The following PLEKHG5 variants were observed in gnomAD, a reference collection of about 807,000 sequenced individuals.
PLEKHG5 encodes pleckstrin homology and RhoGEF domain containing G5, also known as pleckstrin homology domain-containing family G member 5.
In PLEKHG5, 52 loss-of-function variants were observed where a neutral mutation model predicts 103.8. The ratio of observed to expected loss-of-function variants is 0.50; its 90% CI spans 0.40 to 0.63. The LOEUF is 0.63. Ranked by LOEUF, PLEKHG5 falls within the 30% of genes least tolerant of loss-of-function variation. The pLI is 0.00. For synonymous variants in PLEKHG5, 592 were observed against 575.5 expected (o/e 1.03, Z -0.41); for missense variants, 1,205 against 1,347.6 (o/e 0.89, Z 1.66).
chr1:6,470,870 G>A lies in PLEKHG5; in HGVS notation c.1407C>T (p.His469=). ...FRAYITWAEK[H]PQCQRLKLSD... ...TCAGCTTCAGCCTCTGGCACTGTGG[G>A]TGCTTCTCCGCCCACTGCGGTGGGG... The change falls in exon 14 of 21, where the codon CAC becomes CAT. Residue 469 remains histidine (H), a synonymous_variant. Coordinates refer to ENST00000377728, the MANE Select transcript of PLEKHG5 (RefSeq NM_020631.6). The A allele has an allele frequency of 6.4e-7, 1 of 1,568,528 alleles. No homozygotes were observed. Among genetic ancestry groups the A allele is most frequent in the Non-Finnish European group, 8.6e-7 (1 of 1,157,148 alleles).
At chr1:6,504,248 T>A (rs1028876286) in intron 1 of PLEKHG5, among the ~76,000 whole-genome samples, 1 of 151,890 alleles carries the variant, frequency 6.6e-6, no homozygotes, top group Non-Finnish European at 1.5e-5. Context: ...GGAGGGGAGA[T>A]TTGCCCCCCC....
rs771066341 is a variant in PLEKHG5, at chr1:6,467,972, T to C, written c.2864A>G (p.Lys955Arg). 4.3e-5 allele frequency: 67 copies of C among 1,561,378 alleles called. No homozygotes were observed. The Admixed American group carries it at 1.1e-3, about 26-fold the overall frequency. Residue 955 changes from lysine (K) to arginine (R), a missense_variant, in exon 20 of 21, where the codon AAG (lysine) becomes AGG (arginine). Coordinates refer to ENST00000377728, the MANE Select transcript of PLEKHG5 (RefSeq NM_020631.6). Reference sequence around the variant, plus strand: ...CCCCGAGGGCAGGTCTCCACACCTCTTCCTGTGGGAGCCTGCAGGTTCCCC... The same window carrying C: ...CCCCGAGGGCAGGTCTCCACACCTCCTCCTGTGGGAGCCTGCAGGTTCCCC... ...LAGEPAGSHR[K>R]RCGDLPSGAS...
upstream of PLEKHG5, among the ~76,000 whole-genome samples, chr1:6,492,505 A>G (rs1157542515): frequency 6.6e-6 from 1 of 152,090 alleles, no homozygotes; most frequent in Non-Finnish European, 1.5e-5. Flanking sequence ...GTGTGCAAGA[A>G]GCTGGGATGG....
At chr1:6,520,079 G>C (rs1022566140), upstream of PLEKHG5, 1 of 181,396 alleles carries the variant, frequency 5.5e-6, no homozygotes, top group African/African-American at 2.4e-5. Context: ...CAAAACATTA[G>C]AAAAACCCAA....
At position 6,505,760 on chromosome 1, in the gene PLEKHG5, G is replaced by T. The variant is rs1638299561; in HGVS notation, c.-164-9191C>A. On this transcript the variant is annotated intron_variant, in intron 1 of 21. Transcript: ENST00000377740. The surrounding 1 kb of genome is among the most constrained non-coding windows in gnomAD (Gnocchi z 4.2). The stretch of plus-strand genomic sequence containing the variant: ...GCAGAGGCCAGGCCTGAAGCCCAGT[G>T]CAGGGCCCACGCTGCCCAGCCAGGC... Among the ~76,000 whole-genome samples, 1 of 152,238 alleles carries T rather than the reference G, an allele frequency of 6.6e-6. No homozygotes were observed. Among genetic ancestry groups the T allele is most frequent in the Non-Finnish European group, 1.5e-5 (1 of 68,038 alleles).
At chr1:6,517,943 A>T (rs900184272) in intron 1 of PLEKHG5, among the ~76,000 whole-genome samples, 1 of 151,808 alleles carries the variant, frequency 6.6e-6, no homozygotes, top group Non-Finnish European at 1.5e-5. Context: ...ATATACATAT[A>T]TTTTTTTGAG....
upstream of PLEKHG5, among the ~76,000 whole-genome samples, chr1:6,499,113 C>A (rs1645267637): frequency 6.6e-6 from 1 of 152,216 alleles, no homozygotes; most frequent in Non-Finnish European, 1.5e-5. Flanking sequence ...CAGAAAGTTT[C>A]CAGGCCCCTG....
At chr1:6,489,285 C>T (rs942816750) in intron 1 of PLEKHG5, among the ~76,000 whole-genome samples, 1 of 152,202 alleles carries the variant, frequency 6.6e-6, no homozygotes, top group African/African-American at 2.4e-5. Flanking sequence ...CTACGCTCCA[C>T]CCGGCCTACC....
intron 1 of PLEKHG5, among the ~76,000 whole-genome samples, chr1:6,506,851 A>G (rs990455393): frequency 4.6e-5 from 7 of 152,140 alleles, no homozygotes; most frequent in Admixed American, 6.5e-5. Context: ...GGCTGGCCAC[A>G]CTTCACCAGG....
chr1:6,474,551 A>C lies in PLEKHG5; in HGVS notation c.339T>G (p.Ile113Met). Residue 113 changes from isoleucine to methionine, a missense_variant, in exon 6 of 21, where the codon ATT becomes ATG. By Grantham distance (10) the Ile-to-Met change is conservative. Transcript: ENST00000377728. ...VLLPVFERKG[I>M]ALGKVDIYLD... ...GGTAGATGTCCACTTTGCCCAGCGCAATGCCCTTCCTTTCAAATACAGGCA... is the reference window on the plus strand; with the variant it reads ...GGTAGATGTCCACTTTGCCCAGCGCCATGCCCTTCCTTTCAAATACAGGCA... 1 of 1,613,796 alleles carries C rather than the reference A, an allele frequency of 6.2e-7. No homozygotes were observed. The highest frequency in any genetic ancestry group is 2.2e-5 in the East Asian group (1 of 44,878).
rs1203522423 is a variant in PLEKHG5, at chr1:6,508,603, C to T, written c.-165+10842G>A. ...GGTAGACACACCTGGGCCTTTTCCT[C>T]GGGTCTGGGGAAAACCAGGAAACAA... On this transcript the variant is annotated intron_variant, in intron 1 of 21. Transcript: ENST00000377740. Among the ~76,000 whole-genome samples, 8 of 152,330 alleles carry T rather than the reference C, an allele frequency of 5.3e-5. No homozygotes were observed. In the East Asian group the frequency reaches 1.4e-3, roughly 26 times the overall value.
At chr1:6,485,557 G>A in intron 1 of PLEKHG5, 1 of 1,076,284 alleles carries the variant, frequency 9.3e-7, no homozygotes, top group Non-Finnish European at 1.2e-6. Flanking sequence ...CCCGGGGAGG[G>A]CCGGGCCCGG....
intron 1 of PLEKHG5, among the ~76,000 whole-genome samples, chr1:6,513,469 T>C (rs1433030432): frequency 2.0e-5 from 3 of 152,122 alleles, no homozygotes; most frequent in African/African-American, 7.2e-5. Flanking sequence ...CTGCCGGGGA[T>C]TTTTCAGCCT....
At chr1:6,471,402 C>G in intron 12 of PLEKHG5, 86 bp downstream of exon 12, 1 of 1,442,106 alleles carries the variant, frequency 6.9e-7, no homozygotes, top group Non-Finnish European at 9.4e-7. Context: ...GTTGGGGATG[C>G]TGGGCAGACC....
At position 6,519,489 on chromosome 1, in the gene PLEKHG5, T is replaced by C. The variant is rs773489951; in HGVS notation, c.-209A>G. On this transcript the variant is annotated 5_prime_UTR_variant, in exon 1 of 22. Transcript: ENST00000377740. ...GAGCCAGCTTCGAGGTGGAGACCCA[T>C]GTTTTGTCAGGACTGAATTCATGCT... 10 of 1,613,878 alleles carry C rather than the reference T, an allele frequency of 6.2e-6. No homozygotes were observed. In the Admixed American group the frequency reaches 1.7e-4, roughly 27 times the overall value.
At position 6,519,267 on chromosome 1, in the gene PLEKHG5, T is replaced by A. The variant is rs148419166; in HGVS notation, c.-165+178A>T. Reference sequence around the variant, plus strand: ...AACTGCAGGGCTTGGAGGGCTTAACTCACTGATTAATGGAAGAATGAGACC... The same window carrying A: ...AACTGCAGGGCTTGGAGGGCTTAACACACTGATTAATGGAAGAATGAGACC... On this transcript the variant is annotated intron_variant, in intron 1 of 21. Transcript: ENST00000377740. Among the ~76,000 whole-genome samples, 377 of 152,210 alleles carry A rather than the reference T, an allele frequency of 2.5e-3. 5 individuals are homozygous for A. The highest frequency in any genetic ancestry group is 8.7e-3 in the African/African-American group (362 of 41,530).
chr1:6,474,356 C>G lies in PLEKHG5; in HGVS notation c.439+95G>C. On this transcript the variant is annotated intron_variant, in intron 6 of 20. Coordinates refer to ENST00000377728, the MANE Select transcript of PLEKHG5 (RefSeq NM_020631.6). ...TGTATGGTAATGAGGCTGCTCAGGC[C>G]CACGACCAATGGGAACCTGAGCCTG... is the stretch of plus-strand genomic sequence containing the variant. 2.0e-6 allele frequency: 3 copies of G among 1,499,232 alleles called. No homozygotes were observed. In the Admixed American group the frequency reaches 5.4e-5, roughly 27 times the overall value. 92.9% of individuals were successfully genotyped at this position (1,499,232 alleles called of 1,614,324 possible). A position where few individuals can be genotyped will look rare whatever the true frequency, so the allele number is the denominator to read the frequency against.
intron 1 of PLEKHG5, among the ~76,000 whole-genome samples, chr1:6,503,859 G>C (rs1222443194): frequency 6.6e-6 from 1 of 152,192 alleles, no homozygotes; most frequent in Non-Finnish European, 1.5e-5. Flanking sequence ...GAGACAGGCA[G>C]CTTCATAGAT....
intron 1 of PLEKHG5, among the ~76,000 whole-genome samples, chr1:6,502,395 G>A (rs768687175): frequency 2.6e-5 from 4 of 152,240 alleles, no homozygotes; most frequent in Admixed American, 6.5e-5. Flanking sequence ...CAGAACCACC[G>A]CTGGCGTAGT....
Sources: gnomAD v4.1 joint callset for allele counts (sites outside exome capture counted in the v4.1 genomes callset) on GRCh38, gnomAD v4.1.1 for gene constraint, Gnocchi (gnomAD v3.1) non-coding constraint, MANE v1.5 for transcripts, NCBI Gene and HGNC (gene_info 2026-07-23, HGNC 2026-07-21) for gene names.